The following LRRTM4 variants were observed in gnomAD, a reference collection of about 807,000 sequenced individuals.
The protein encoded by LRRTM4 is leucine-rich repeat transmembrane neuronal protein 4.
LRRTM4 carries 25 observed loss-of-function variants against 47.6 expected under a neutral mutation model. The observed-to-expected ratio is 0.53, with a 90% CI of 0.38 to 0.73. LRRTM4 has a LOEUF of 0.73. LRRTM4 is among the 30% of genes least tolerant of loss of function. The pLI, the probability that LRRTM4 is intolerant of heterozygous loss-of-function variation, is 0.00. For synonymous variants in LRRTM4, 311 were observed against 269.5 expected, an observed-to-expected ratio of 1.15 and a Z score of -1.51; for missense variants, 638 against 713.4, an observed-to-expected ratio of 0.89 and a Z score of 1.20.
chr2:76,902,008 C>G (rs148186847), intron 3 of LRRTM4, among the ~76,000 whole-genome samples: 2 of 152,210 alleles, frequency 1.3e-5, no homozygotes. Flanking sequence ...CATTATCCTT[C>G]CTATGAAAAA....
At chr2:77,227,629 A>T (rs1674851054) in intron 3 of LRRTM4, among the ~76,000 whole-genome samples, 1 of 152,098 alleles carries the variant, frequency 6.6e-6, no homozygotes, top group African/African-American at 2.4e-5. Context: ...AAATTAATCT[A>T]CTAGGGCCTG....
At chr2:76,949,764 A>G (rs72823113) in intron 3 of LRRTM4, among the ~76,000 whole-genome samples, 16,738 of 151,988 alleles carry the variant, frequency 0.11, 1,373 homozygotes, top group East Asian at 0.46. Context: ...ACATTAAGAT[A>G]GTTTAAATCA....
chr2:76,953,217 A>G (rs547840714), intron 3 of LRRTM4, among the ~76,000 whole-genome samples: 1 of 152,028 alleles, frequency 6.6e-6, no homozygotes, highest in African/African-American at 2.4e-5. Context: ...TCAAACAAGA[A>G]GAGTTTATGG....
In LRRTM4 at chr2:77,263,832, T is replaced by G. The variant is rs114352452; in HGVS notation, c.1551+254486A>C. Among the ~76,000 whole-genome samples the G allele has an allele frequency of 7.9e-3, 1,209 of 152,170 alleles. 13 individuals carry two copies. Among genetic ancestry groups the G allele is most frequent in the African/African-American group, 0.028 (1,147 of 41,530 alleles). On this transcript the variant is annotated intron_variant, in intron 3 of 3. Transcript: ENST00000409884. The stretch of plus-strand genomic sequence containing the variant: ...GAAGAAAGTTACTTGCTTGTATGTT[T>G]TTATACCTAGATTTCACATGGTCCA...
chr2:77,355,806 G>A (rs184129659), intron 3 of LRRTM4, among the ~76,000 whole-genome samples: 41 of 152,236 alleles, frequency 2.7e-4, no homozygotes, highest in African/African-American at 9.6e-4. Flanking sequence ...ATAAATTATA[G>A]GTGGGACCAG....
intron 3 of LRRTM4, among the ~76,000 whole-genome samples, chr2:76,807,457 T>C (rs181031637): frequency 0.13 from 11,833 of 93,946 alleles, 1,204 homozygotes; most frequent in East Asian, 0.41. Context: ...TATATATATA[T>C]ACATATATAT....
At chr2:76,758,410 G>T (rs1226947467) in intron 3 of LRRTM4, among the ~76,000 whole-genome samples, 1 of 152,138 alleles carries the variant, frequency 6.6e-6, no homozygotes, top group South Asian at 2.1e-4. Flanking sequence ...GAAGAAAACT[G>T]CAGAGGACAT....
intron 3 of LRRTM4, among the ~76,000 whole-genome samples, chr2:76,823,195 A>G (rs116348530): frequency 0.011 from 1,638 of 151,568 alleles, 13 homozygotes; most frequent in Admixed American, 0.019. Flanking sequence ...AATTGAGTAT[A>G]TTGTCAAATT....
intron 3 of LRRTM4, among the ~76,000 whole-genome samples, chr2:77,515,534 G>A (rs531608794): frequency 6.6e-6 from 1 of 151,744 alleles, no homozygotes; most frequent in South Asian, 2.1e-4. Context: ...TAGAAAATTA[G>A]CATTTGGTGC....
intron 3 of LRRTM4, among the ~76,000 whole-genome samples, chr2:77,021,094 G>GTATCTATC (rs923212807): frequency 2.2e-5 from 3 of 135,478 alleles, no homozygotes; most frequent in Admixed American, 1.5e-4. Flanking sequence ...AAACTTCTCT[G>GTATCTATC]TATCTATCTA....
chr2:77,013,649 A>T (rs1007196253), intron 3 of LRRTM4, among the ~76,000 whole-genome samples: 5 of 152,218 alleles, frequency 3.3e-5, no homozygotes, highest in African/African-American at 1.2e-4. Flanking sequence ...TGGAAGCAAC[A>T]AGGGCAGAAA....
At chr2:76,912,944 C>T (rs1558734518) in intron 3 of LRRTM4, among the ~76,000 whole-genome samples, 1 of 152,144 alleles carries the variant, frequency 6.6e-6, no homozygotes, top group Non-Finnish European at 1.5e-5. Flanking sequence ...GAACTATCAG[C>T]CAATTAACCA....
intron 3 of LRRTM4, among the ~76,000 whole-genome samples, chr2:76,995,640 T>C (rs1183868498): frequency 6.6e-6 from 1 of 152,022 alleles, no homozygotes; most frequent in Non-Finnish European, 1.5e-5. Flanking sequence ...CATTGCCTAG[T>C]GTTGCTACCT....
chr2:76,834,746 A>C (rs1333970535), intron 3 of LRRTM4, among the ~76,000 whole-genome samples: 1 of 152,126 alleles, frequency 6.6e-6, no homozygotes, highest in African/African-American at 2.4e-5. Flanking sequence ...TACACATAGA[A>C]AATGTATAGA....
chr2:76,807,771 T>C (rs957319293), intron 3 of LRRTM4, among the ~76,000 whole-genome samples: 2 of 151,470 alleles, frequency 1.3e-5, no homozygotes, highest in Non-Finnish European at 2.9e-5. Context: ...TTTATATTTT[T>C]AGTAGAGACA....
chr2:77,432,998 A>G (rs1675446421), intron 3 of LRRTM4, among the ~76,000 whole-genome samples: 1 of 152,198 alleles, frequency 6.6e-6, no homozygotes, highest in Non-Finnish European at 1.5e-5. Flanking sequence ...CAGTGAAAAG[A>G]TGATAGCTGA....
At chr2:77,030,589 G>C (rs1271597754) in intron 3 of LRRTM4, among the ~76,000 whole-genome samples, 1 of 152,014 alleles carries the variant, frequency 6.6e-6, no homozygotes, top group Non-Finnish European at 1.5e-5. Context: ...GATGAAAAAG[G>C]AAAATAATCT....
intron 3 of LRRTM4, among the ~76,000 whole-genome samples, chr2:76,843,230 G>A (rs920629739): frequency 6.6e-6 from 1 of 152,150 alleles, no homozygotes; most frequent in South Asian, 2.1e-4. Context: ...GGAGTCAGAA[G>A]ATGGTCAGAG....
intron 3 of LRRTM4, among the ~76,000 whole-genome samples, chr2:77,001,105 G>A (rs4447628): frequency 0.13 from 19,164 of 152,138 alleles, 1,476 homozygotes; most frequent in Admixed American, 0.2. Context: ...ATCCTGCCTT[G>A]TTTTCTGAAG....
Sources: gnomAD v4.1 joint callset for allele counts (sites outside exome capture counted in the v4.1 genomes callset) on GRCh38, gnomAD v4.1.1 for gene constraint, MANE v1.5 for transcripts, NCBI Gene and HGNC (gene_info 2026-07-23, HGNC 2026-07-21) for gene names.